Variants in SUN2 observed in about 807,000 individuals in gnomAD.
SUN2 encodes the protein SUN domain-containing protein 2.
SUN2 carries 60 observed loss-of-function variants against 100.0 expected under a neutral mutation model. The observed-to-expected ratio is 0.60, with a 90% confidence interval of 0.49 to 0.74. The LOEUF (loss-of-function observed/expected upper bound fraction) is 0.74, where lower values mean the gene tolerates loss of function less well. Ranked by LOEUF, SUN2 falls within the 30% of genes least tolerant of loss-of-function variation. The pLI is 0.00. For missense variants in SUN2, 834 were observed against 954.6 expected (o/e 0.87, Z 1.66); for synonymous variants, 367 against 403.3 (o/e 0.91, Z 1.08).
intron 1 of SUN2, among the ~76,000 whole-genome samples, chr22:38,753,166 G>A (rs751182584): frequency 1.1e-4 from 17 of 149,370 alleles, no homozygotes; most frequent in Non-Finnish European, 2.4e-4. Context: ...GGGCCCCAAC[G>A]AACCTTGATG....
At chr22:38,753,315 A>G (rs1292682275) in intron 1 of SUN2, among the ~76,000 whole-genome samples, 1 of 142,196 alleles carries the variant, frequency 7.0e-6, no homozygotes, top group Non-Finnish European at 1.5e-5. Flanking sequence ...TCCCAGGTTC[A>G]TGCGATTCTC....
rs886303062 is a variant in SUN2, at chr22:38,738,354, G to A, written c.1948-89C>T. On this transcript the variant is annotated intron_variant, in intron 16 of 17. Coordinates refer to ENST00000689035, the MANE Select transcript of SUN2 (RefSeq NM_015374.3). This position sits in a 1 kb window ranked among gnomAD's most constrained non-coding sequence, Gnocchi z 6.6. Reference sequence around the variant, plus strand: ...AATCCCTGCTCCTCCCACCCAGCAGGTCAGGCACCAGAGTGGCCTATGACA... The same window carrying A: ...AATCCCTGCTCCTCCCACCCAGCAGATCAGGCACCAGAGTGGCCTATGACA... The A allele has an allele frequency of 1.6e-6, 2 of 1,255,428 alleles. No individual in the cohort carries two copies. The highest frequency in any genetic ancestry group is 2.3e-6 in the Non-Finnish European group (2 of 882,208). The allele number at this position is 1,255,428 out of a possible 1,614,324, so 77.8% of individuals were successfully genotyped here. A position where few individuals can be genotyped will look rare whatever the true frequency, so the allele number is the denominator to read the frequency against.
Position 38,740,476 on chromosome 22 carries a change from G to A in SUN2, c.1191-44C>T. 7.0e-7 allele frequency: 1 copy of A among 1,428,688 alleles called. No individual in the cohort carries two copies. Among genetic ancestry groups the A allele is most frequent in the Non-Finnish European group, 9.2e-7 (1 of 1,082,948 alleles). The allele number at this position is 1,428,688 out of a possible 1,614,324, so 88.5% of individuals were successfully genotyped here. On this transcript the variant is annotated intron_variant, in intron 11 of 17. Coordinates refer to ENST00000689035, the MANE Select transcript of SUN2 (RefSeq NM_015374.3). This position sits in a 1 kb window ranked among gnomAD's most constrained non-coding sequence, Gnocchi z 4.8. The stretch of plus-strand genomic sequence containing the variant: ...GAGTAAGCCTCGGATCTCTTTGGTG[G>A]GAGGTAAGGCCACACCAAAGATGAA...
chr22:38,747,901 C>G (rs1036751089), intron 7 of SUN2, among the ~76,000 whole-genome samples: 2 of 152,072 alleles, frequency 1.3e-5, no homozygotes, highest in African/African-American at 4.8e-5. Flanking sequence ...TGTGTTCGTG[C>G]CACTGCACTT....
At position 38,741,025 on chromosome 22, in the gene SUN2, A is replaced by G. The variant is rs371668226; in HGVS notation, c.1172T>C (p.Leu391Pro). Residue 391 changes from leucine (L) to proline (P), a missense_variant, in exon 11 of 18, where the codon CTG becomes CCG. Coordinates refer to ENST00000689035, the MANE Select transcript of SUN2 (RefSeq NM_015374.3). ...SQESEARIQQ[L>P]KSEWQSMTQE... ...CCAGTACCTTTGCCACTCTGACTTC[A>G]GCTGCTGGATGCGAGCCTCGGACTC... 6.3e-7 allele frequency: 1 copy of G among 1,598,314 alleles called. No homozygotes were observed. Among genetic ancestry groups the G allele is most frequent in the Non-Finnish European group, 8.5e-7 (1 of 1,172,370 alleles).
At chr22:38,745,559 T>C (rs2092897144) in intron 8 of SUN2, 125 bp downstream of exon 8, 2 of 1,262,124 alleles carry the variant, frequency 1.6e-6, no homozygotes, top group African/African-American at 3.0e-5. Flanking sequence ...CCTTGTAAGA[T>C]GGCAACTAAC....
rs1384293612 is a variant in SUN2, at chr22:38,755,979, G to GGGCCGGGCGGCGCGCGTGT, written c.-273_-255dup. ...GGCGGAGGCCCGCGCTGCGCGAGTGGGGCCGGGCGGCGCGCGTGTGGCCGA... is the reference window on the plus strand; with the variant it reads ...GGCGGAGGCCCGCGCTGCGCGAGTGGGGCCGGGCGGCGCGCGTGTGGCCGGGCGGCGCGCGTGTGGCCGA... On this transcript the variant is annotated 5_prime_UTR_variant, in exon 1 of 18. Coordinates refer to ENST00000689035, the MANE Select transcript of SUN2 (RefSeq NM_015374.3). The surrounding 1 kb of genome is among the most constrained non-coding windows in gnomAD (Gnocchi z 5.7). 2.2e-4 allele frequency: 221 copies of GGGCCGGGCGGCGCGCGTGT among 983,746 alleles called. No homozygotes were observed. Among genetic ancestry groups the GGGCCGGGCGGCGCGCGTGT allele is most frequent in the Non-Finnish European group, 2.6e-4 (217 of 829,360 alleles). The allele number at this position is 983,746 out of a possible 1,614,324, so 60.9% of individuals were successfully genotyped here.
At position 38,755,150 on chromosome 22, in the gene SUN2, A is replaced by G. The variant is rs2092976141; in HGVS notation, c.-38+613T>C. 8.5e-6 allele frequency: 9 copies of G among 1,055,154 alleles called. No individual in the cohort carries two copies. The highest frequency in any genetic ancestry group is 8.4e-4 in the Middle Eastern group (2 of 2,380). The allele number at this position is 1,055,154 out of a possible 1,614,324, so 65.4% of individuals were successfully genotyped here. On this transcript the variant is annotated intron_variant, in intron 1 of 17. Coordinates refer to ENST00000689035, the MANE Select transcript of SUN2 (RefSeq NM_015374.3). The surrounding 1 kb of genome is among the most constrained non-coding windows in gnomAD (Gnocchi z 5.7). ...CTCCATCCATCTTCAGACTTAAACC[A>G]GATCTGGGGCATCTTCCTCGTGACA...
In SUN2 at chr22:38,740,367, G is replaced by A; in HGVS notation, c.1256C>T (p.Ala419Val). 1 of 1,577,490 alleles carries A rather than the reference G, an allele frequency of 6.3e-7. No homozygotes were observed. Among genetic ancestry groups the A allele is most frequent in the African/African-American group, 1.3e-5 (1 of 74,394 alleles). ...AGCCGCCAGCTCCTGCTGCAGGCCG[G>A]CCAGCTGGTCCTCCAGCCGCCTCAG... is the stretch of plus-strand genomic sequence containing the variant. Reference protein sequence around the residue: ...KELRRLEDQLAGLQQELAALA... With the variant: ...KELRRLEDQLVGLQQELAALA... Residue 419 changes from alanine (A) to valine (V), a missense_variant, in exon 12 of 18, where the codon GCC becomes GTC. This residue lies in a region of SUN2 where 559 missense variants were observed against 597.7 expected (regional missense o/e 0.94). Coordinates refer to ENST00000689035, the MANE Select transcript of SUN2 (RefSeq NM_015374.3). This position sits in a 1 kb window ranked among gnomAD's most constrained non-coding sequence, Gnocchi z 4.8.
In SUN2 at chr22:38,739,404, T is replaced by C; in HGVS notation, c.1601A>G (p.Gln534Arg). The change falls in exon 14 of 18, where the codon CAG becomes CGG. Residue 534 changes from glutamine to arginine, a missense_variant. Transcript: ENST00000689035. The surrounding 1 kb of genome is among the most constrained non-coding windows in gnomAD (Gnocchi z 6.7). The stretch of plus-strand genomic sequence containing the variant: ...GTCCTCACTGTAGCGCTGCAGGGCC[T>C]GCTTCACGATGTGGTGCACCTGCTG... The part of the protein sequence containing the change: ...TEEQVHHIVK[Q>R]ALQRYSEDRI... The C allele has an allele frequency of 6.2e-7, 1 of 1,613,116 alleles. No individual in the cohort carries two copies. The highest frequency in any genetic ancestry group is 8.5e-7 in the Non-Finnish European group (1 of 1,180,012).
Position 38,735,509 on chromosome 22 carries a change from C to T in SUN2, c.*758G>A. 3.5e-6 allele frequency: 1 copy of T among 285,244 alleles called. No individual in the cohort carries two copies. The highest frequency in any genetic ancestry group is 6.9e-6 in the Non-Finnish European group (1 of 144,262). 17.7% of individuals were successfully genotyped at this position (285,244 alleles called of 1,614,324 possible). A position where few individuals can be genotyped will look rare whatever the true frequency, so the allele number is the denominator to read the frequency against. On this transcript the variant is annotated 3_prime_UTR_variant, in exon 18 of 18. Transcript: ENST00000689035. ...GGGCACTGGCAGGCCCTAGCAGGAACAGGGAGCAGGGTGGGCCCCAACCTA... is the reference window on the plus strand; with the variant it reads ...GGGCACTGGCAGGCCCTAGCAGGAATAGGGAGCAGGGTGGGCCCCAACCTA...
chr22:38,748,622 C>A, intron 7 of SUN2, 91 bp downstream of exon 7: 1 of 1,446,166 alleles, frequency 6.9e-7, no homozygotes, highest in Admixed American at 1.7e-5. Context: ...CACACCCCAC[C>A]CAGTCTTGCC....
Position 38,752,306 on chromosome 22 carries a change from G to A in SUN2, c.122+201C>T, listed in dbSNP as rs115779707. 9.1e-3 allele frequency among the ~76,000 whole-genome samples: 1,379 copies of A among 152,344 alleles called. 25 individuals are homozygous for A. The highest frequency in any genetic ancestry group is 0.032 in the African/African-American group (1,317 of 41,582). On this transcript the variant is annotated intron_variant, in intron 2 of 17. Transcript: ENST00000689035. ...AGGGCAGCAGCCCCGGCTCACAGTC[G>A]GTGGGAGAAGAATGGGTGCTGTGTG... is the stretch of plus-strand genomic sequence containing the variant.
chr22:38,736,417 C>G, intron 17 of SUN2, 37 bp from the exon 18 acceptor site: 1 of 1,540,834 alleles, frequency 6.5e-7, no homozygotes, highest in Non-Finnish European at 8.8e-7. Context: ...GCATCAGAGA[C>G]CTGTGAGGCC....
intron 7 of SUN2, among the ~76,000 whole-genome samples, chr22:38,747,604 A>G (rs1181160435): frequency 1.3e-5 from 2 of 152,194 alleles, no homozygotes; most frequent in Non-Finnish European, 2.9e-5. Flanking sequence ...TTCATATGAA[A>G]CTAGCCAAGC....
Position 38,755,442 on chromosome 22 carries a change from G to A in SUN2, c.-38+321C>T. The A allele has an allele frequency of 6.0e-6, 6 of 994,236 alleles. No homozygotes were observed. The highest frequency in any genetic ancestry group is 7.2e-6 in the Non-Finnish European group (6 of 834,186). 61.6% of individuals were successfully genotyped at this position (994,236 alleles called of 1,614,324 possible). A position where few individuals can be genotyped will look rare whatever the true frequency, so the allele number is the denominator to read the frequency against. On this transcript the variant is annotated intron_variant, in intron 1 of 17. Coordinates refer to ENST00000689035, the MANE Select transcript of SUN2 (RefSeq NM_015374.3). This position sits in a 1 kb window ranked among gnomAD's most constrained non-coding sequence, Gnocchi z 5.7. ...GCCTGTCCCTGGAAACGGCCTGTCT[G>A]GCACAAAACCCGTAGGCGCTGCCCG...
rs2092797441 is a variant in SUN2 at position 38,735,581 on chromosome 22, C to T, written c.*686G>A. 1 of 215,428 alleles carries T rather than the reference C, an allele frequency of 4.6e-6. No homozygotes were observed. The highest frequency in any genetic ancestry group is 2.3e-5 in the African/African-American group (1 of 42,950). 13.3% of individuals were successfully genotyped at this position (215,428 alleles called of 1,614,324 possible). Reference sequence around the variant, plus strand: ...ACTACCGTCCCCAGCAGAGGGGAAGCCTACAGGGTTGGCCCTGGGCCCCTT... The same window carrying T: ...ACTACCGTCCCCAGCAGAGGGGAAGTCTACAGGGTTGGCCCTGGGCCCCTT... On this transcript the variant is annotated 3_prime_UTR_variant, in exon 18 of 18. Coordinates refer to ENST00000689035, the MANE Select transcript of SUN2 (RefSeq NM_015374.3).
Position 38,739,771 on chromosome 22 carries a change from G to A in SUN2, c.1529C>T (p.Ser510Phe), listed in dbSNP as rs141362080. Residue 510 changes from serine (S) to phenylalanine (F), a missense_variant, in exon 13 of 18, where the codon TCC becomes TTC. By Grantham distance (155) the Ser-to-Phe change is radical. This residue lies in a region of SUN2 where 195 missense variants were observed against 280.2 expected (regional missense o/e 0.70). Coordinates refer to ENST00000689035, the MANE Select transcript of SUN2 (RefSeq NM_015374.3). This position sits in a 1 kb window ranked among gnomAD's most constrained non-coding sequence, Gnocchi z 6.7. ...QGKSAREAAA[S>F]LSLTLQKEGV... is the part of the protein sequence containing the mutation. ...TTCTTTCTGCAGCGTCAGGCTCAGG[G>A]AGGCCGCGGCTTCCCTGGCCGACTT... The A allele has an allele frequency of 9.3e-6, 15 of 1,613,702 alleles. No individual in the cohort carries two copies. The East Asian group carries it at 3.3e-4, about 36-fold the overall frequency.
chr22:38,750,594 C>G (rs541876565), intron 4 of SUN2, among the ~76,000 whole-genome samples: 2 of 152,366 alleles, frequency 1.3e-5, no homozygotes, highest in East Asian at 3.9e-4. Flanking sequence ...CTCAGAATGA[C>G]TGAGCACCCA....
Sources: gnomAD v4.1 joint callset for allele counts (sites outside exome capture counted in the v4.1 genomes callset) on GRCh38, gnomAD v4.1.1 for gene constraint, gnomAD v4.1.1 regional missense constraint, Gnocchi (gnomAD v3.1) non-coding constraint, MANE v1.5 for transcripts, NCBI Gene and HGNC (gene_info 2026-07-23, HGNC 2026-07-21) for gene names.